Variants in RBM19 observed in about 807,000 individuals in gnomAD.
RBM19 encodes probable RNA-binding protein 19.
Under a neutral mutation model 116.8 loss-of-function variants are expected in RBM19, and 94 were observed. The ratio of observed to expected loss-of-function variants is 0.80; its 90% CI spans 0.68 to 0.95. The LOEUF (loss-of-function observed/expected upper bound fraction) is 0.95, where lower values mean the gene tolerates loss of function less well. Among genes scored for constraint, RBM19 ranks in the 40% least tolerant of loss-of-function variants. The pLI is 0.00. For missense variants in RBM19, 1,161 were observed against 1,220.7 expected (o/e 0.95, Z 0.73); for synonymous variants, 475 against 494.1 (o/e 0.96, Z 0.51).
Position 113,825,023 on chromosome 12 carries a change from C to G in RBM19, c.2786-1702G>C, listed in dbSNP as rs1427646403. ...CTCCCTCTCCCTCTACCTCTGAGCT[C>G]CAATGCCACCCCACCCCCTGGCACT... On this transcript the variant is annotated intron_variant, in intron 23 of 23. Transcript: ENST00000261741. This position sits in a 1 kb window ranked among gnomAD's most constrained non-coding sequence, Gnocchi z 5.7. Among the ~76,000 whole-genome samples, 1 of 152,222 alleles carries G rather than the reference C, an allele frequency of 6.6e-6. No individual in the cohort carries two copies. The highest frequency in any genetic ancestry group is 1.5e-5 in the Non-Finnish European group (1 of 68,042).
At position 113,903,889 on chromosome 12, in the gene RBM19, T is replaced by G. The variant is rs1400570388; in HGVS notation, c.2558+11080A>C. On this transcript the variant is annotated intron_variant, in intron 21 of 23. Coordinates refer to ENST00000261741, the MANE Select transcript of RBM19 (RefSeq NM_016196.4). The surrounding 1 kb of genome is among the most constrained non-coding windows in gnomAD (Gnocchi z 5.1). ...TACCCGTTAAAAGACAGATTTAAGATGTGGTCATGCCATAGAGGAGTTGAG... is the reference window on the plus strand; with the variant it reads ...TACCCGTTAAAAGACAGATTTAAGAGGTGGTCATGCCATAGAGGAGTTGAG... 6.6e-6 allele frequency among the ~76,000 whole-genome samples: 1 copy of G among 152,200 alleles called. No homozygotes were observed. Among genetic ancestry groups the G allele is most frequent in the Non-Finnish European group, 1.5e-5 (1 of 68,030 alleles).
In RBM19 at chr12:113,955,121, T is replaced by A; in HGVS notation, c.921+10A>T. Reference sequence around the variant, plus strand: ...CAGGCTGCCGACCCTTGTCCTCAGTTAGCACATACCTCTGTGACATTGAAC... The same window carrying A: ...CAGGCTGCCGACCCTTGTCCTCAGTAAGCACATACCTCTGTGACATTGAAC... On this transcript the variant is annotated intron_variant, in intron 7 of 23. Coordinates refer to ENST00000261741, the MANE Select transcript of RBM19 (RefSeq NM_016196.4). 1.9e-6 allele frequency: 3 copies of A among 1,613,538 alleles called. No individual in the cohort carries two copies. Among genetic ancestry groups the A allele is most frequent in the Non-Finnish European group, 2.5e-6 (3 of 1,179,630 alleles).
intron 8 of RBM19, 67 bp from the exon 9 acceptor site, chr12:113,950,221 G>C: frequency 7.6e-7 from 1 of 1,312,954 alleles, no homozygotes; most frequent in Non-Finnish European, 1.1e-6. Flanking sequence ...GTCCCCAGAG[G>C]AACACCCATA....
At chr12:113,891,536 C>A (rs1338618019) in intron 21 of RBM19, among the ~76,000 whole-genome samples, 5 of 152,168 alleles carry the variant, frequency 3.3e-5, no homozygotes, top group African/African-American at 1.2e-4. Context: ...GAGCTGGAAT[C>A]GTCCAGGTGG....
intron 21 of RBM19, among the ~76,000 whole-genome samples, chr12:113,875,126 C>A (rs1279519878): frequency 6.6e-6 from 1 of 152,256 alleles, no homozygotes; most frequent in Non-Finnish European, 1.5e-5. Context: ...TTGGAGGCCT[C>A]CCAGGGACAT....
chr12:113,955,004 C>T (rs1166745898), intron 7 of RBM19, 127 bp downstream of exon 7: 2 of 894,200 alleles, frequency 2.2e-6, no homozygotes, highest in Non-Finnish European at 3.6e-6. Context: ...CCTTTTTGGC[C>T]CCCAATTCCT....
At chr12:113,895,633 T>G (rs1448164018) in intron 21 of RBM19, among the ~76,000 whole-genome samples, 2 of 152,108 alleles carry the variant, frequency 1.3e-5, no homozygotes, top group African/African-American at 2.4e-5. Flanking sequence ...GACAAAGATC[T>G]AGAAGGAGAT....
At chr12:113,816,968 A>C (rs1364715352) in exon 25 of RBM19, 1 of 152,218 alleles carries the variant, frequency 6.6e-6, no homozygotes, top group Non-Finnish European at 1.5e-5. Context: ...TGAACGTTTG[A>C]CTGGCAACCA....
chr12:113,891,900 C>T (rs1284291078), intron 21 of RBM19, among the ~76,000 whole-genome samples: 1 of 152,226 alleles, frequency 6.6e-6, no homozygotes, highest in Non-Finnish European at 1.5e-5. Context: ...TCTTCCCGCT[C>T]ATTTCCCTGT....
At chr12:113,840,164 T>C (rs1486884090) in intron 23 of RBM19, among the ~76,000 whole-genome samples, 1 of 152,214 alleles carries the variant, frequency 6.6e-6, no homozygotes, top group Non-Finnish European at 1.5e-5. Flanking sequence ...TCTTGCTGTA[T>C]TCTACAGAGG....
At chr12:113,939,490 C>T (rs1031982621) in intron 15 of RBM19, among the ~76,000 whole-genome samples, 2 of 144,012 alleles carry the variant, frequency 1.4e-5, no homozygotes, top group Non-Finnish European at 3.0e-5. Flanking sequence ...TGGCTCACGC[C>T]TGTAATCCCA....
chr12:113,926,209 CCT>C (rs1295019797), intron 17 of RBM19, among the ~76,000 whole-genome samples: 4 of 152,298 alleles, frequency 2.6e-5, no homozygotes, highest in South Asian at 2.1e-4. Flanking sequence ...TATTCCTACC[CCT>C]GAGGTTCAGT....
At chr12:113,917,951 G>A (rs1882873196) in intron 20 of RBM19, among the ~76,000 whole-genome samples, 1 of 152,134 alleles carries the variant, frequency 6.6e-6, no homozygotes, top group African/African-American at 2.4e-5. Context: ...TTAACTGGAG[G>A]CCATCGTAGG....
At chr12:113,956,304 G>GTAATACAGGCA (rs1871934761) in intron 6 of RBM19, among the ~76,000 whole-genome samples, 1 of 152,174 alleles carries the variant, frequency 6.6e-6, no homozygotes, top group East Asian at 1.9e-4. Flanking sequence ...GCTGGGGCCA[G>GTAATACAGGCA]GTGCAGTGGC....
At chr12:113,820,099 GACGA>G (rs1874314282), downstream of RBM19, among the ~76,000 whole-genome samples, 1 of 152,070 alleles carries the variant, frequency 6.6e-6, no homozygotes, top group Admixed American at 6.6e-5. Context: ...GGTTACTGCA[GACGA>G]ACTGATCAGG....
chr12:113,892,993 C>T (rs558338443), intron 21 of RBM19, among the ~76,000 whole-genome samples: 7 of 150,394 alleles, frequency 4.7e-5, no homozygotes, highest in African/African-American at 1.2e-4. Flanking sequence ...TATGTCTATG[C>T]GGGTCTACTC....
chr12:113,878,188 C>A (rs942998441), intron 21 of RBM19, among the ~76,000 whole-genome samples: 8 of 152,134 alleles, frequency 5.3e-5, no homozygotes, highest in Admixed American at 3.3e-4. Flanking sequence ...AAACCCCACT[C>A]CATCCTTAGG....
At chr12:113,927,267 T>C (rs1593598732) in intron 16 of RBM19, 38 bp from the exon 17 acceptor site, 1 of 1,532,108 alleles carries the variant, frequency 6.5e-7, no homozygotes, top group East Asian at 2.4e-5. Context: ...AACAAAAACA[T>C]CAAATCCATG....
At chr12:113,873,802 C>T (rs1292267059) in intron 21 of RBM19, among the ~76,000 whole-genome samples, 1 of 151,916 alleles carries the variant, frequency 6.6e-6, no homozygotes, top group Non-Finnish European at 1.5e-5. Context: ...AAGTCACTTA[C>T]TGGGGAAACC....
Sources: allele counts gnomAD v4.1 joint callset (sites outside exome capture counted in the v4.1 genomes callset), GRCh38; gene constraint gnomAD v4.1.1; non-coding constraint Gnocchi (gnomAD v3.1); transcripts MANE v1.5; gene names NCBI Gene and HGNC (gene_info 2026-07-23, HGNC 2026-07-21).